The following ERC2 variants were observed in gnomAD, a reference collection of about 807,000 sequenced individuals.
The protein encoded by ERC2 is ELKS/RAB6-interacting/CAST family member 2.
ERC2 carries 42 observed loss-of-function variants against 114.8 expected under a neutral mutation model. The observed-to-expected ratio is 0.37, with a 90% CI of 0.29 to 0.47. The LOEUF is 0.47. ERC2 is among the 20% of genes least tolerant of loss of function. The probability of loss-of-function intolerance (pLI) is 0.99; values close to 1 mark genes in which losing one functional copy is unlikely to be tolerated. For missense variants in ERC2, 939 were observed against 1,150.7 expected, an observed-to-expected ratio of 0.82 and a Z score of 2.66; for synonymous variants, 454 against 425.5, an observed-to-expected ratio of 1.07 and a Z score of -0.82.
intron 14 of ERC2, among the ~76,000 whole-genome samples, chr3:55,774,614 G>A (rs2068462885): frequency 6.6e-6 from 1 of 152,198 alleles, no homozygotes; most frequent in South Asian, 2.1e-4. Flanking sequence ...GCCTTCAGAG[G>A]CTCGGATCTC....
chr3:56,428,415 G>C (rs894003526), intron 2 of ERC2, among the ~76,000 whole-genome samples: 9 of 151,908 alleles, frequency 5.9e-5, no homozygotes, highest in African/African-American at 1.9e-4. Context: ...CAGCTACTCG[G>C]GAGGCTGAGG....
intron 14 of ERC2, among the ~76,000 whole-genome samples, chr3:55,774,688 G>T (rs1489272489): frequency 6.6e-6 from 1 of 152,234 alleles, no homozygotes; most frequent in Non-Finnish European, 1.5e-5. Context: ...AAACAGGATG[G>T]CCTGGCCCTT....
chr3:55,550,844 A>G (rs141035288), intron 17 of ERC2, among the ~76,000 whole-genome samples: 7,712 of 151,870 alleles, frequency 0.051, 237 homozygotes, highest in South Asian at 0.086. Flanking sequence ...GTGAAACCCC[A>G]TCTCTACTAA....
chr3:56,374,160 G>C (rs371039527), intron 2 of ERC2, among the ~76,000 whole-genome samples: 2 of 152,282 alleles, frequency 1.3e-5, no homozygotes, highest in African/African-American at 4.8e-5. Flanking sequence ...GCAGAGGCGA[G>C]ATCTCAGCTC....
intron 14 of ERC2, among the ~76,000 whole-genome samples, chr3:55,811,384 C>T (rs1001751424): frequency 1.3e-5 from 2 of 152,168 alleles, no homozygotes; most frequent in Admixed American, 1.3e-4. Flanking sequence ...TCTGAGAAAA[C>T]AAGGGCAGGC....
intron 17 of ERC2, among the ~76,000 whole-genome samples, chr3:55,666,160 G>GAGCT (rs1427883398): frequency 6.6e-6 from 1 of 152,182 alleles, no homozygotes; most frequent in Non-Finnish European, 1.5e-5. Flanking sequence ...CAAGGTCACA[G>GAGCT]AGCTCATCAG....
At chr3:56,114,059 G>A (rs577538904) in intron 6 of ERC2, among the ~76,000 whole-genome samples, 7 of 152,266 alleles carry the variant, frequency 4.6e-5, no homozygotes, top group Middle Eastern at 3.4e-3. Flanking sequence ...AGGGAGGACA[G>A]GGCAAAACAG....
intron 17 of ERC2, among the ~76,000 whole-genome samples, chr3:55,619,461 T>C (rs1488027448): frequency 6.6e-6 from 1 of 152,218 alleles, no homozygotes; most frequent in African/African-American, 2.4e-5. Flanking sequence ...TCTCCCTGCT[T>C]CATAATTTCA....
chr3:55,727,636 C>G (rs149933751), intron 15 of ERC2, among the ~76,000 whole-genome samples: 48 of 152,246 alleles, frequency 3.2e-4, no homozygotes, highest in South Asian at 1.2e-3. Flanking sequence ...GCTTTATTGA[C>G]AGATGTTTAA....
chr3:56,049,340 A>T (rs1377367450), intron 7 of ERC2, among the ~76,000 whole-genome samples: 7 of 152,212 alleles, frequency 4.6e-5, no homozygotes, highest in Middle Eastern at 3.2e-3. Context: ...GGACCACTTT[A>T]ACAGGTGAAG....
At chr3:55,946,839 T>C (rs923042287) in intron 13 of ERC2, among the ~76,000 whole-genome samples, 1 of 152,184 alleles carries the variant, frequency 6.6e-6, no homozygotes, top group African/African-American at 2.4e-5. Context: ...ATAGTGGTGA[T>C]TTCCTCTGAG....
At chr3:55,952,724 T>A (rs2067665594) in intron 12 of ERC2, among the ~76,000 whole-genome samples, 1 of 152,096 alleles carries the variant, frequency 6.6e-6, no homozygotes, top group South Asian at 2.1e-4. Flanking sequence ...CAAGTATGGG[T>A]GACAAATACA....
intron 4 of ERC2, among the ~76,000 whole-genome samples, chr3:56,152,114 A>G (rs774025597): frequency 6.6e-6 from 1 of 152,176 alleles, no homozygotes; most frequent in African/African-American, 2.4e-5. Context: ...CTTTTCCCAA[A>G]GTTCACAGAA....
intron 14 of ERC2, among the ~76,000 whole-genome samples, chr3:55,736,982 C>G (rs981561430): frequency 1.3e-5 from 2 of 152,114 alleles, no homozygotes; most frequent in African/African-American, 4.8e-5. Context: ...CTGAAACATT[C>G]TAGACACTTT....
Position 55,509,101 on chromosome 3 carries a change from A to ATT in ERC2, c.*2214_*2215insAA. ...AGAGAATTTAATTTTTAAGGGACTA[A>ATT]ATTATACGACCTCATAAAGGTAAGA... On this transcript the variant is annotated 3_prime_UTR_variant, in exon 18 of 18. Coordinates refer to ENST00000288221, the MANE Select transcript of ERC2 (RefSeq NM_015576.3). 1 of 152,776 alleles carries ATT rather than the reference A, an allele frequency of 6.5e-6. No individual in the cohort carries two copies. 9.5% of individuals were successfully genotyped at this position (152,776 alleles called of 1,614,324 possible).
chr3:56,252,401 T>G (rs1034999343), intron 3 of ERC2, among the ~76,000 whole-genome samples: 3 of 152,114 alleles, frequency 2.0e-5, no homozygotes, highest in Non-Finnish European at 4.4e-5. Context: ...AACCACAATA[T>G]CTAGCAATGA....
intron 17 of ERC2, among the ~76,000 whole-genome samples, chr3:55,535,597 C>T (rs1419008478): frequency 6.6e-6 from 1 of 152,200 alleles, no homozygotes; most frequent in Non-Finnish European, 1.5e-5. Flanking sequence ...AGAGGTAAGG[C>T]TCACACCCAT....
intron 17 of ERC2, chr3:55,613,250 C>T (rs1375118107): frequency 6.6e-6 from 1 of 152,178 alleles, no homozygotes; most frequent in Non-Finnish European, 1.5e-5. Flanking sequence ...TACAAGCAAG[C>T]CTGGGACCTC....
intron 17 of ERC2, among the ~76,000 whole-genome samples, chr3:55,595,455 G>A (rs895896019): frequency 3.3e-5 from 5 of 152,208 alleles, no homozygotes; most frequent in East Asian, 1.9e-4. Context: ...AGACGGTCAG[G>A]GAGAGAGAGG....
Sources: gnomAD v4.1 joint callset for allele counts (sites outside exome capture counted in the v4.1 genomes callset) on GRCh38, gnomAD v4.1.1 for gene constraint, MANE v1.5 for transcripts, NCBI Gene and HGNC (gene_info 2026-07-23, HGNC 2026-07-21) for gene names.